The following TRIO variants were observed in gnomAD, a reference collection of about 807,000 sequenced individuals.
The protein encoded by TRIO is triple functional domain protein.
In TRIO, 58 loss-of-function variants were observed where a neutral mutation model predicts 351.9. The ratio of observed to expected loss-of-function variants is 0.16; its 90% confidence interval spans 0.13 to 0.21. The LOEUF (loss-of-function observed/expected upper bound fraction) is 0.21. TRIO is among the 10% of genes least tolerant of loss of function. The pLI is 1.00. For synonymous variants in TRIO, 1,758 were observed against 1,595.7 expected (o/e 1.10, Z -2.42); for missense variants, 3,201 against 4,027.8 (o/e 0.79, Z 5.56).
intron 21 of TRIO, among the ~76,000 whole-genome samples, chr5:14,382,418 C>G (rs1034933796): frequency 6.6e-6 from 1 of 152,196 alleles, no homozygotes; most frequent in Non-Finnish European, 1.5e-5. Context: ...GTGCTGGGCT[C>G]TCTCCTTTTC....
At chr5:14,343,697 T>C (rs920960860) in intron 11 of TRIO, among the ~76,000 whole-genome samples, 2 of 152,248 alleles carry the variant, frequency 1.3e-5, no homozygotes, top group African/African-American at 4.8e-5. Flanking sequence ...TTTTTGGCTA[T>C]TACAGGGAAA....
chr5:14,243,599 A>G (rs1179833845), intron 1 of TRIO, among the ~76,000 whole-genome samples: 1 of 152,180 alleles, frequency 6.6e-6, no homozygotes, highest in Non-Finnish European at 1.5e-5. Context: ...AATATTCTGG[A>G]CTAAAAAAAA....
chr5:14,163,248 CTT>C (rs1788580070), intron 1 of TRIO, among the ~76,000 whole-genome samples: 1 of 152,124 alleles, frequency 6.6e-6, no homozygotes, highest in African/African-American at 2.4e-5. Flanking sequence ...TCAACTCTTA[CTT>C]ATAAGTGAGA....
chr5:14,278,666 T>C (rs1469222229), intron 2 of TRIO, among the ~76,000 whole-genome samples: 1 of 152,238 alleles, frequency 6.6e-6, no homozygotes, highest in Non-Finnish European at 1.5e-5. Flanking sequence ...TTGAAATTGT[T>C]AATCTGTCTT....
intron 1 of TRIO, among the ~76,000 whole-genome samples, chr5:14,239,675 A>C (rs1794010255): frequency 1.3e-5 from 2 of 152,190 alleles, no homozygotes; most frequent in Admixed American, 1.3e-4. Flanking sequence ...AGCTTGAGCC[A>C]ACTCTAAAAA....
intron 18 of TRIO, among the ~76,000 whole-genome samples, chr5:14,371,718 G>A (rs1384583135): frequency 6.7e-6 from 1 of 150,330 alleles, no homozygotes; most frequent in Non-Finnish European, 1.5e-5. Context: ...ATAGTTCACT[G>A]CAGCTTTAGA....
intron 33 of TRIO, among the ~76,000 whole-genome samples, chr5:14,412,841 G>A (rs1322652714): frequency 6.6e-6 from 1 of 152,200 alleles, no homozygotes; most frequent in Admixed American, 6.5e-5. Context: ...CCTAAGAGCA[G>A]GCAATCAAAA....
At position 14,292,990 on chromosome 5, in the gene TRIO, G is replaced by T. The variant is rs1296406124; in HGVS notation, c.1054-22G>T. 3.1e-6 allele frequency: 5 copies of T among 1,613,806 alleles called. No individual in the cohort carries two copies. The African/African-American group carries it at 5.3e-5, about 17-fold the overall frequency. ...ATTTCTCTTTCTGGAGTGATTGCGGGTTGTCTTTTTCCTTCCGGTAGATGT... is the reference window on the plus strand; with the variant it reads ...ATTTCTCTTTCTGGAGTGATTGCGGTTTGTCTTTTTCCTTCCGGTAGATGT... On this transcript the variant is annotated intron_variant, in intron 5 of 56. Coordinates refer to ENST00000344204, the MANE Select transcript of TRIO (RefSeq NM_007118.4).
intron 1 of TRIO, among the ~76,000 whole-genome samples, chr5:14,147,397 C>G (rs1224011437): frequency 6.6e-6 from 1 of 152,168 alleles, no homozygotes; most frequent in African/African-American, 2.4e-5. Flanking sequence ...TTTTGGGGCT[C>G]TGTTCTCGTG....
At position 14,304,465 on chromosome 5, in the gene TRIO, T is replaced by C. The variant is rs998709797; in HGVS notation, c.1373T>C (p.Met458Thr). 1 of 1,608,118 alleles carries C rather than the reference T, an allele frequency of 6.2e-7. No individual in the cohort carries two copies. The highest frequency in any genetic ancestry group is 8.5e-7 in the Non-Finnish European group (1 of 1,178,762). Residue 458 changes from methionine to threonine, a missense_variant, in exon 8 of 57, where the codon ATG becomes ACG. By Grantham distance (81) the Met-to-Thr change is moderately conservative. Transcript: ENST00000344204. The stretch of plus-strand genomic sequence containing the variant: ...ATCTTTTTTTAACCTTCCAAGTATA[T>C]GAGCAACGTGGATTCATGGTGTAAA... ...SIFHQKAEKY[M>T]SNVDSWCKAC...
intron 31 of TRIO, among the ~76,000 whole-genome samples, chr5:14,403,991 G>C (rs1371013692): frequency 6.4e-5 from 9 of 140,180 alleles, no homozygotes; most frequent in African/African-American, 2.2e-4. Context: ...GAGGGTGCAG[G>C]TTGTGGTGAG....
In TRIO at chr5:14,286,055, CAGTGGTTG is replaced by C; in HGVS notation, c.348-813_348-806del. ...GCATTGTATGTGTTTCCCATGTAGT[CAGTGGTTG>C]AGATTTAATACAATTAGAAGCTGGC... On this transcript the variant is annotated intron_variant, in intron 3 of 56. Coordinates refer to ENST00000344204, the MANE Select transcript of TRIO (RefSeq NM_007118.4). The surrounding 1 kb of genome is among the most constrained non-coding windows in gnomAD (Gnocchi z 4.4). Among the ~76,000 whole-genome samples, 1 of 151,894 alleles carries C rather than the reference CAGTGGTTG, an allele frequency of 6.6e-6. No individual in the cohort carries two copies. The highest frequency in any genetic ancestry group is 1.5e-5 in the Non-Finnish European group (1 of 67,994).
rs61077116 is a variant in TRIO at position 14,327,783 on chromosome 5, C to T, written c.1732-2995C>T. Among the ~76,000 whole-genome samples the T allele has an allele frequency of 8.8e-3, 1,340 of 152,306 alleles. 14 individuals are homozygous for T. The highest frequency in any genetic ancestry group is 0.03 in the African/African-American group (1,261 of 41,570). ...TTCAAGCTAGAAATATTTGATACTTCTCTTTTGCATGGTTTGGCCTCATGC... is the reference window on the plus strand; with the variant it reads ...TTCAAGCTAGAAATATTTGATACTTTTCTTTTGCATGGTTTGGCCTCATGC... On this transcript the variant is annotated intron_variant, in intron 9 of 56. Coordinates refer to ENST00000344204, the MANE Select transcript of TRIO (RefSeq NM_007118.4).
rs548241615 is a variant in TRIO at position 14,225,794 on chromosome 5, C to CA, written c.158-45031_158-45030insA. Among the ~76,000 whole-genome samples the CA allele has an allele frequency of 3.3e-4, 41 of 123,510 alleles. 1 individual carries two copies. Among genetic ancestry groups the CA allele is most frequent in the Non-Finnish European group, 5.7e-4 (34 of 59,300 alleles). The allele number at this position is 123,510 out of a possible 152,430, so 81.0% of individuals were successfully genotyped here. On this transcript the variant is annotated intron_variant, in intron 1 of 56. Coordinates refer to ENST00000344204, the MANE Select transcript of TRIO (RefSeq NM_007118.4). Reference sequence around the variant, plus strand: ...ATCCCATCATATTCACTGCTCCCACCCCCCCCCCCACCTCCAAGCCCAAAA... The same window carrying CA: ...ATCCCATCATATTCACTGCTCCCACCACCCCCCCCCACCTCCAAGCCCAAAA...
chr5:14,258,661 C>G (rs1274432326), intron 1 of TRIO, among the ~76,000 whole-genome samples: 1 of 152,088 alleles, frequency 6.6e-6, no homozygotes, highest in Non-Finnish European at 1.5e-5. Flanking sequence ...CTTCGTCTGC[C>G]TCTCACCTTC....
chr5:14,243,268 G>A (rs1794237824), intron 1 of TRIO, among the ~76,000 whole-genome samples: 1 of 151,504 alleles, frequency 6.6e-6, no homozygotes, highest in South Asian at 2.1e-4. Flanking sequence ...CCATTCGTGT[G>A]TACCCTGCCT....
intron 27 of TRIO, among the ~76,000 whole-genome samples, chr5:14,391,811 T>C (rs1295118953): frequency 6.6e-6 from 1 of 152,236 alleles, no homozygotes; most frequent in Non-Finnish European, 1.5e-5. Context: ...TAGAATAAAC[T>C]TTTCAGTTTC....
intron 1 of TRIO, among the ~76,000 whole-genome samples, chr5:14,169,608 A>G (rs1387334361): frequency 6.6e-6 from 1 of 152,236 alleles, no homozygotes; most frequent in African/African-American, 2.4e-5. Context: ...TCGAACACAC[A>G]CGTGTGTGTG....
intron 43 of TRIO, among the ~76,000 whole-genome samples, chr5:14,480,633 C>T (rs1382938651): frequency 2.6e-5 from 4 of 152,302 alleles, no homozygotes; most frequent in East Asian, 3.9e-4. Context: ...GATATTCCTT[C>T]GTGTACAACG....
Sources: gnomAD v4.1 joint callset for allele counts (sites outside exome capture counted in the v4.1 genomes callset) on GRCh38, gnomAD v4.1.1 for gene constraint, Gnocchi (gnomAD v3.1) non-coding constraint, MANE v1.5 for transcripts, NCBI Gene and HGNC (gene_info 2026-07-23, HGNC 2026-07-21) for gene names.